CSMD1: variants seen among roughly 807,000 people sequenced by gnomAD.
CSMD1 encodes the protein CUB and sushi domain-containing protein 1.
In CSMD1, 213 loss-of-function variants were observed where a neutral mutation model predicts 417.5. That is an observed-to-expected ratio of 0.51 (90% CI 0.46 to 0.57). The LOEUF (loss-of-function observed/expected upper bound fraction) is 0.57. CSMD1 is among the 20% of genes least tolerant of loss of function. The pLI is 0.00. For missense variants in CSMD1, 6,923 were observed against 4,529.7 expected (o/e 1.53, Z -15.17); for synonymous variants, 2,862 against 1,736.8 (o/e 1.65, Z -16.11).
chr8:3,546,222 T>A (rs781071094), intron 10 of CSMD1, among the ~76,000 whole-genome samples: 1 of 152,118 alleles, frequency 6.6e-6, no homozygotes, highest in South Asian at 2.1e-4. Context: ...TAAGGTTCTA[T>A]GCAGATAGTG....
chr8:3,665,924 C>A (rs1195760907), intron 7 of CSMD1, among the ~76,000 whole-genome samples: 2 of 152,110 alleles, frequency 1.3e-5, no homozygotes, highest in Non-Finnish European at 2.9e-5. Flanking sequence ...GTCACCCAGG[C>A]TGGAGTGCAG....
chr8:4,347,677 T>C (rs1406596692), intron 3 of CSMD1, among the ~76,000 whole-genome samples: 1 of 152,172 alleles, frequency 6.6e-6, no homozygotes, highest in African/African-American at 2.4e-5. Flanking sequence ...GCAATTGCAA[T>C]GACTCCTATT....
At chr8:4,894,739 G>A (rs192013230) in intron 1 of CSMD1, among the ~76,000 whole-genome samples, 2 of 151,258 alleles carry the variant, frequency 1.3e-5, no homozygotes, top group Non-Finnish European at 2.9e-5. Flanking sequence ...GAGGACCGAG[G>A]GGGACCAAGT....
chr8:3,585,623 A>G (rs1189847806), intron 9 of CSMD1, among the ~76,000 whole-genome samples: 1 of 152,222 alleles, frequency 6.6e-6, no homozygotes, highest in African/African-American at 2.4e-5. Context: ...AATGATGATG[A>G]CAATAATGAT....
At chr8:4,170,224 TTCTCTTTCCCCATC>T in intron 3 of CSMD1, among the ~76,000 whole-genome samples, 1 of 151,990 alleles carries the variant, frequency 6.6e-6, no homozygotes, top group South Asian at 2.1e-4. Context: ...CTGTTATCTC[TTCTCTTTCCCCATC>T]TCTCTTTCTC....
intron 31 of CSMD1, among the ~76,000 whole-genome samples, chr8:3,203,907 C>T (rs1797116640): frequency 6.6e-6 from 1 of 152,136 alleles, no homozygotes; most frequent in African/African-American, 2.4e-5. Flanking sequence ...ATCACATCAC[C>T]CCGTAGTGTC....
rs184585607 is a variant in CSMD1 at position 3,899,882 on chromosome 8, C to A, written c.818+98021G>T. On this transcript the variant is annotated intron_variant, in intron 5 of 69. Coordinates refer to ENST00000635120, the MANE Select transcript of CSMD1 (RefSeq NM_033225.6). ...TTCTTCAGTTCCTTTACTCCAAACC[C>A]TGAGCTTAAGAACTTGCTTAAAACA... Among the ~76,000 whole-genome samples, 5 of 152,296 alleles carry A rather than the reference C, an allele frequency of 3.3e-5. No homozygotes were observed. The East Asian group carries it at 9.6e-4, about 29-fold the overall frequency.
At chr8:4,687,330 G>C (rs1374111986) in intron 1 of CSMD1, among the ~76,000 whole-genome samples, 4 of 152,188 alleles carry the variant, frequency 2.6e-5, no homozygotes, top group Non-Finnish European at 5.9e-5. Flanking sequence ...CATAGATGGA[G>C]AAGAGCCAGA....
intron 3 of CSMD1, among the ~76,000 whole-genome samples, chr8:4,102,408 A>T (rs998600504): frequency 5.9e-5 from 9 of 152,172 alleles, no homozygotes; most frequent in Non-Finnish European, 1.3e-4. Context: ...CCCTCTGGAG[A>T]ATATTCTCCC....
At chr8:4,707,441 T>C (rs1808011468) in intron 1 of CSMD1, among the ~76,000 whole-genome samples, 2 of 152,122 alleles carry the variant, frequency 1.3e-5, no homozygotes, top group Non-Finnish European at 1.5e-5. Context: ...GGAATGCTGA[T>C]GGTGGAAGGT....
At chr8:4,278,494 T>C (rs1178366191) in intron 3 of CSMD1, among the ~76,000 whole-genome samples, 1 of 152,194 alleles carries the variant, frequency 6.6e-6, no homozygotes, top group Non-Finnish European at 1.5e-5. Flanking sequence ...TAATATTAGG[T>C]TGACACAAAA....
intron 1 of CSMD1, among the ~76,000 whole-genome samples, chr8:4,806,263 G>A (rs1798581117): frequency 6.6e-6 from 1 of 152,144 alleles, no homozygotes; most frequent in Non-Finnish European, 1.5e-5. Context: ...GTGTGCACAT[G>A]CTCGGAGACC....
chr8:3,751,089 C>T (rs1016004257), intron 6 of CSMD1, among the ~76,000 whole-genome samples: 1 of 152,004 alleles, frequency 6.6e-6, no homozygotes, highest in Non-Finnish European at 1.5e-5. Context: ...CAGGAAGTCC[C>T]CTGTTCAATG....
intron 11 of CSMD1, among the ~76,000 whole-genome samples, chr8:3,477,237 C>T (rs986510819): frequency 1.3e-5 from 2 of 152,040 alleles, no homozygotes; most frequent in South Asian, 2.1e-4. Flanking sequence ...TGGGTATGTA[C>T]CTGAATTTTA....
chr8:4,390,640 A>G (rs1394394090), intron 3 of CSMD1, among the ~76,000 whole-genome samples: 3 of 151,918 alleles, frequency 2.0e-5, no homozygotes, highest in African/African-American at 7.3e-5. Context: ...CAGCCTCCCA[A>G]GGAGCTGGGA....
At chr8:4,541,249 G>A (rs1167023118) in intron 2 of CSMD1, among the ~76,000 whole-genome samples, 1 of 152,190 alleles carries the variant, frequency 6.6e-6, no homozygotes, top group Non-Finnish European at 1.5e-5. Flanking sequence ...GACTTAGAGT[G>A]AGCCAGTTCG....
intron 3 of CSMD1, among the ~76,000 whole-genome samples, chr8:4,054,107 G>T (rs896641356): frequency 6.6e-6 from 1 of 152,074 alleles, no homozygotes; most frequent in African/African-American, 2.4e-5. Context: ...GCTGCTAATG[G>T]TCTCTAAGCA....
chr8:3,847,489 C>A (rs554509826), intron 5 of CSMD1, among the ~76,000 whole-genome samples: 1 of 152,060 alleles, frequency 6.6e-6, no homozygotes, highest in Non-Finnish European at 1.5e-5. Flanking sequence ...AGCTGAGTTC[C>A]GCCAACATCA....
chr8:3,406,066 C>T lies in CSMD1; in HGVS notation c.2227G>A (p.Gly743Arg), dbSNP rs991206384. 7.4e-6 allele frequency: 12 copies of T among 1,613,800 alleles called. No individual in the cohort carries two copies. The highest frequency in any genetic ancestry group is 3.3e-5 in the Admixed American group (2 of 59,998). The change falls in exon 15 of 70, where the codon GGG becomes AGG. Residue 743 changes from glycine (G) to arginine (R), a missense_variant. Physicochemically the swap from Gly to Arg is moderately radical, Grantham distance 125. Transcript: ENST00000635120. ...SESITCILQDGNVVWSSTVPR... is the reference protein window; with the variant it reads ...SESITCILQDRNVVWSSTVPR... ...ACGGTGGAGCTCCAGACCACGTTCC[C>T]GTCTTGCAGTATGCAGGTAATGGAC...
Sources: allele counts gnomAD v4.1 joint callset (sites outside exome capture counted in the v4.1 genomes callset), GRCh38; gene constraint gnomAD v4.1.1; transcripts MANE v1.5; gene names NCBI Gene and HGNC (gene_info 2026-07-23, HGNC 2026-07-21).